The following KAZN variants were observed in gnomAD, a reference collection of about 807,000 sequenced individuals.
KAZN encodes kazrin, periplakin interacting protein.
A neutral mutation model predicts 87.4 loss-of-function variants in KAZN; 40 were observed. The observed-to-expected ratio is 0.46, with a 90% CI of 0.36 to 0.60. The LOEUF (loss-of-function observed/expected upper bound fraction) is 0.60. Ranked by LOEUF, KAZN falls within the 20% of genes least tolerant of loss-of-function variation. KAZN has a pLI of 0.00. For synonymous variants in KAZN, 466 were observed against 458.3 expected, an observed-to-expected ratio of 1.02 and a Z score of -0.22; for missense variants, 898 against 1,073.9, an observed-to-expected ratio of 0.84 and a Z score of 2.29.
chr1:13,927,918 G>C (rs1278598221), intron 1 of KAZN, among the ~76,000 whole-genome samples: 2 of 152,210 alleles, frequency 1.3e-5, no homozygotes, highest in Non-Finnish European at 2.9e-5. Flanking sequence ...GGCATCCCAG[G>C]CAGGGGCAGG....
intron 2 of KAZN, among the ~76,000 whole-genome samples, chr1:14,328,563 C>T (rs969498459): frequency 9.9e-5 from 15 of 151,724 alleles, no homozygotes; most frequent in African/African-American, 2.4e-4. Flanking sequence ...ATTAGCTGGG[C>T]GTGGTGGTGA....
chr1:14,925,715 G>GA (rs1402518353), intron 1 of KAZN, among the ~76,000 whole-genome samples: 2 of 152,140 alleles, frequency 1.3e-5, no homozygotes, highest in Non-Finnish European at 2.9e-5. Context: ...TTTCCTGTAA[G>GA]AAAAAAGCCA....
At chr1:14,626,587 C>G (rs538324653) in intron 1 of KAZN, among the ~76,000 whole-genome samples, 1 of 152,262 alleles carries the variant, frequency 6.6e-6, no homozygotes, top group South Asian at 2.1e-4. Context: ...TCCACTTTCT[C>G]CAAGCCACAG....
chr1:14,017,583 C>G (rs1264686518), intron 1 of KAZN, among the ~76,000 whole-genome samples: 2 of 152,218 alleles, frequency 1.3e-5, no homozygotes, highest in Non-Finnish European at 2.9e-5. Context: ...TAAACCCAGC[C>G]TGTCTGACCA....
intron 1 of KAZN, among the ~76,000 whole-genome samples, chr1:13,985,966 C>T (rs761769027): frequency 6.6e-6 from 1 of 152,142 alleles, no homozygotes; most frequent in African/African-American, 2.4e-5. Flanking sequence ...TTGGCTATTA[C>T]GAATAGTGCT....
chr1:14,430,469 GC>G (rs1463009302), intron 2 of KAZN, among the ~76,000 whole-genome samples: 1 of 152,148 alleles, frequency 6.6e-6, no homozygotes, highest in Non-Finnish European at 1.5e-5. Flanking sequence ...ACACCACCCT[GC>G]CCCTGGGTCC....
At chr1:14,208,552 T>G (rs924972397) in intron 2 of KAZN, among the ~76,000 whole-genome samples, 2 of 152,154 alleles carry the variant, frequency 1.3e-5, no homozygotes, top group Non-Finnish European at 2.9e-5. Context: ...GTGGGAGAGA[T>G]AGATAATAAA....
At chr1:14,591,072 G>A (rs187744819) in intron 2 of KAZN, among the ~76,000 whole-genome samples, 1 of 152,140 alleles carries the variant, frequency 6.6e-6, no homozygotes, top group African/African-American at 2.4e-5. Context: ...GCAGATTTAG[G>A]AGAGTGTAGG....
At chr1:14,421,733 G>A (rs567046978) in intron 2 of KAZN, among the ~76,000 whole-genome samples, 1 of 152,196 alleles carries the variant, frequency 6.6e-6, no homozygotes, top group African/African-American at 2.4e-5. Context: ...GCATGTGACT[G>A]CCCAAAAGGA....
At position 15,115,236 on chromosome 1, in the gene KAZN, G is replaced by A. The variant is rs1442184539; in HGVS notation, c.*601G>A. ...GGGAGAATGCAAAATCCTTCCACCT[G>A]AAAAGCTCTGTGACACATGGGGGTG... On this transcript the variant is annotated 3_prime_UTR_variant, in exon 15 of 15. Coordinates refer to ENST00000376030, the MANE Select transcript of KAZN (RefSeq NM_201628.3). This position sits in a 1 kb window ranked among gnomAD's most constrained non-coding sequence, Gnocchi z 4.1. 6.6e-6 allele frequency: 1 copy of A among 152,438 alleles called. No individual in the cohort carries two copies. Among genetic ancestry groups the A allele is most frequent in the Non-Finnish European group, 1.5e-5 (1 of 68,206 alleles). The allele number at this position is 152,438 out of a possible 1,614,324, so 9.4% of individuals were successfully genotyped here.
At chr1:14,940,338 T>C (rs147944907) in intron 1 of KAZN, among the ~76,000 whole-genome samples, 95 of 152,312 alleles carry the variant, frequency 6.2e-4, no homozygotes, top group African/African-American at 2.2e-3. Context: ...TCACTCACTT[T>C]TATATTGAGC....
rs1553150619 is a variant in KAZN, at chr1:14,883,355, A to AGAG, written c.227-77329_227-77328insGAG. On this transcript the variant is annotated intron_variant, in intron 1 of 14. Coordinates refer to ENST00000376030, the MANE Select transcript of KAZN (RefSeq NM_201628.3). ...GAGAGAGAGAGAGAAAGAAAGAAAGAAAAGAAAGAAAGAAAGAAAGAAAGA... is the reference window on the plus strand; with the variant it reads ...GAGAGAGAGAGAGAAAGAAAGAAAGAGAGAAAGAAAGAAAGAAAGAAAGAAAGA... 2.2e-3 allele frequency among the ~76,000 whole-genome samples: 45 copies of AGAG among 20,616 alleles called. 4 individuals are homozygous for AGAG. The highest frequency in any genetic ancestry group is 0.01 in the South Asian group (3 of 294). 13.5% of individuals were successfully genotyped at this position (20,616 alleles called of 152,430 possible). A position where few individuals can be genotyped will look rare whatever the true frequency, so the allele number is the denominator to read the frequency against.
At chr1:14,702,588 G>A (rs1641992961) in intron 1 of KAZN, among the ~76,000 whole-genome samples, 1 of 152,100 alleles carries the variant, frequency 6.6e-6, no homozygotes, top group Non-Finnish European at 1.5e-5. Context: ...CAGGAATTGG[G>A]AACGTGGTAT....
chr1:14,770,176 A>G (rs1156299663), intron 1 of KAZN, among the ~76,000 whole-genome samples: 1 of 152,212 alleles, frequency 6.6e-6, no homozygotes, highest in Non-Finnish European at 1.5e-5. Flanking sequence ...CTTCAGCCTA[A>G]GGAAAAGAGA....
chr1:14,490,554 G>A (rs969898939), intron 2 of KAZN, among the ~76,000 whole-genome samples: 8 of 152,050 alleles, frequency 5.3e-5, no homozygotes, highest in Middle Eastern at 6.8e-3. Context: ...GTGCAGTGGC[G>A]CGATCTCGGC....
At chr1:14,702,632 G>T (rs556399737) in intron 1 of KAZN, among the ~76,000 whole-genome samples, 2 of 152,042 alleles carry the variant, frequency 1.3e-5, no homozygotes, top group African/African-American at 2.4e-5. Context: ...ACAGAGTATC[G>T]TGTATCGATA....
At chr1:14,795,404 G>A (rs1374575044) in intron 1 of KAZN, among the ~76,000 whole-genome samples, 1 of 152,072 alleles carries the variant, frequency 6.6e-6, no homozygotes, top group Admixed American at 6.5e-5. Flanking sequence ...TTCTGTGTCA[G>A]GCACATAGTA....
At chr1:14,651,621 C>A (rs763631731) in intron 1 of KAZN, among the ~76,000 whole-genome samples, 33 of 152,194 alleles carry the variant, frequency 2.2e-4, no homozygotes, top group Non-Finnish European at 4.6e-4. Context: ...TTGAGGGTTT[C>A]ATTCTATGGA....
chr1:14,553,670 C>T (rs548367887), intron 2 of KAZN, among the ~76,000 whole-genome samples: 2 of 152,204 alleles, frequency 1.3e-5, no homozygotes, highest in Non-Finnish European at 2.9e-5. Flanking sequence ...TGAAACCCCC[C>T]TCTTGGGCTT....
Sources: allele counts gnomAD v4.1 joint callset (sites outside exome capture counted in the v4.1 genomes callset), GRCh38; gene constraint gnomAD v4.1.1; non-coding constraint Gnocchi (gnomAD v3.1); transcripts MANE v1.5; gene names NCBI Gene and HGNC (gene_info 2026-07-23, HGNC 2026-07-21).